CACNA2D3: variants seen among roughly 807,000 people sequenced by gnomAD.
CACNA2D3 encodes voltage-dependent calcium channel subunit alpha-2/delta-3.
Under a neutral mutation model 160.6 loss-of-function variants are expected in CACNA2D3, and 60 were observed. The ratio of observed to expected loss-of-function variants is 0.37; its 90% confidence interval spans 0.30 to 0.46. CACNA2D3 has a LOEUF of 0.46. CACNA2D3 is among the 20% of genes least tolerant of loss of function. The pLI is 1.00. For synonymous variants in CACNA2D3, 558 were observed against 492.9 expected (o/e 1.13, Z -1.75); for missense variants, 1,205 against 1,365.0 (o/e 0.88, Z 1.85).
intron 2 of CACNA2D3, among the ~76,000 whole-genome samples, chr3:54,227,849 T>C (rs2107387578): frequency 6.6e-6 from 1 of 152,276 alleles, no homozygotes; most frequent in East Asian, 1.9e-4. Context: ...GCACCCGGCC[T>C]GTCCACGTCT....
intron 17 of CACNA2D3, among the ~76,000 whole-genome samples, chr3:54,857,978 G>A (rs765744888): frequency 6.6e-6 from 1 of 151,930 alleles, no homozygotes; most frequent in Non-Finnish European, 1.5e-5. Context: ...TAGAAGATAG[G>A]ATTCTCGGCT....
At chr3:54,841,328 T>C (rs1295232585) in intron 16 of CACNA2D3, among the ~76,000 whole-genome samples, 7 of 152,324 alleles carry the variant, frequency 4.6e-5, no homozygotes, top group Admixed American at 2.0e-4. Flanking sequence ...AACAAGGGAA[T>C]AGAGGAAGAA....
At chr3:54,263,174 T>C (rs542022525) in intron 2 of CACNA2D3, among the ~76,000 whole-genome samples, 2 of 152,346 alleles carry the variant, frequency 1.3e-5, no homozygotes, top group East Asian at 3.9e-4. Flanking sequence ...TAATACCTTT[T>C]TTATTAGTTT....
chr3:54,518,052 A>G (rs1407162688), intron 5 of CACNA2D3, among the ~76,000 whole-genome samples: 1 of 152,126 alleles, frequency 6.6e-6, no homozygotes, highest in African/African-American at 2.4e-5. Flanking sequence ...TCCCATAAGT[A>G]TCGTGAATGG....
At position 54,496,323 on chromosome 3, in the gene CACNA2D3, G is replaced by A. The variant is rs140184602; in HGVS notation, c.382-7169G>A. 5.8e-3 allele frequency among the ~76,000 whole-genome samples: 882 copies of A among 152,194 alleles called. 10 individuals are homozygous for A. The highest frequency in any genetic ancestry group is 0.019 in the African/African-American group (785 of 41,528). ...ATCCTTGGCAATGTTTAATATTACC[G>A]GAATTTTTAATGTCAGCACTTCTAG... On this transcript the variant is annotated intron_variant, in intron 4 of 37. Transcript: ENST00000474759.
chr3:54,437,489 G>C (rs1342311237), intron 4 of CACNA2D3, among the ~76,000 whole-genome samples: 1 of 152,196 alleles, frequency 6.6e-6, no homozygotes, highest in Non-Finnish European at 1.5e-5. Flanking sequence ...TCAGGTTCTT[G>C]CAGCTCCCAC....
chr3:54,969,914 G>A, intron 29 of CACNA2D3, 70 bp downstream of exon 29: 2 of 1,370,030 alleles, frequency 1.5e-6, no homozygotes. Context: ...TTATGACCGA[G>A]GGAATGCCCT....
intron 35 of CACNA2D3, among the ~76,000 whole-genome samples, chr3:55,042,157 T>C (rs1305743129): frequency 6.6e-6 from 1 of 152,192 alleles, no homozygotes; most frequent in East Asian, 1.9e-4. Flanking sequence ...TAAATGTGAA[T>C]TAGGTCAAGA....
chr3:54,810,977 C>T (rs1703292935), intron 13 of CACNA2D3, among the ~76,000 whole-genome samples: 1 of 152,220 alleles, frequency 6.6e-6, no homozygotes, highest in African/African-American at 2.4e-5. Flanking sequence ...CACAGGTTGC[C>T]TGCGCTGGTC....
At chr3:54,845,666 A>G (rs1266944666) in intron 16 of CACNA2D3, among the ~76,000 whole-genome samples, 1 of 152,274 alleles carries the variant, frequency 6.6e-6, no homozygotes, top group Non-Finnish European at 1.5e-5. Context: ...ATTTGATTAC[A>G]TACTTTTTAA....
chr3:55,073,935 C>T (rs1205918129), intron 37 of CACNA2D3, 76 bp downstream of exon 37: 18 of 1,291,938 alleles, frequency 1.4e-5, no homozygotes, highest in Middle Eastern at 1.8e-4. Flanking sequence ...CAAAGAACTA[C>T]AGCTGAAAAG....
At chr3:54,483,119 C>T (rs1047549677) in intron 4 of CACNA2D3, among the ~76,000 whole-genome samples, 5 of 152,112 alleles carry the variant, frequency 3.3e-5, no homozygotes, top group Non-Finnish European at 7.3e-5. Context: ...CATGCGATTG[C>T]TATTTTAAAT....
intron 4 of CACNA2D3, among the ~76,000 whole-genome samples, chr3:54,434,087 A>G (rs1472955558): frequency 6.6e-6 from 1 of 152,024 alleles, no homozygotes; most frequent in Admixed American, 6.6e-5. Flanking sequence ...CCAATCTTCC[A>G]TTTCCTCCTT....
intron 11 of CACNA2D3, among the ~76,000 whole-genome samples, chr3:54,682,769 C>T (rs1279601790): frequency 6.6e-6 from 1 of 152,000 alleles, no homozygotes. Context: ...TCTAATCTTC[C>T]CACAAGGTCA....
At chr3:54,939,720 AC>A (rs911763275) in intron 27 of CACNA2D3, among the ~76,000 whole-genome samples, 1 of 152,128 alleles carries the variant, frequency 6.6e-6, no homozygotes, top group Non-Finnish European at 1.5e-5. Context: ...CTGCAGGCCC[AC>A]CCTCTCTTCA....
intron 4 of CACNA2D3, among the ~76,000 whole-genome samples, chr3:54,450,612 G>A (rs1490209794): frequency 2.0e-5 from 3 of 152,070 alleles, no homozygotes; most frequent in South Asian, 4.2e-4. Flanking sequence ...GTTAAAAAGC[G>A]CCTGGCACCT....
intron 10 of CACNA2D3, among the ~76,000 whole-genome samples, chr3:54,630,914 A>G (rs528017406): frequency 2.6e-5 from 4 of 152,278 alleles, no homozygotes; most frequent in East Asian, 1.9e-4. Context: ...AAAAAACACA[A>G]TGATAGGCCA....
chr3:54,799,104 C>A (rs1482172647), intron 13 of CACNA2D3, among the ~76,000 whole-genome samples: 3 of 152,162 alleles, frequency 2.0e-5, no homozygotes, highest in African/African-American at 4.8e-5. Flanking sequence ...CTGTTCTAAT[C>A]CTATTTTTCC....
chr3:54,153,054 T>A (rs1700180586), intron 2 of CACNA2D3, among the ~76,000 whole-genome samples: 1 of 152,232 alleles, frequency 6.6e-6, no homozygotes, highest in South Asian at 2.1e-4. Flanking sequence ...CAGTCTCTTT[T>A]TGGAGAAGAA....
Sources: allele counts gnomAD v4.1 joint callset (sites outside exome capture counted in the v4.1 genomes callset), GRCh38; gene constraint gnomAD v4.1.1; transcripts MANE v1.5; gene names NCBI Gene and HGNC (gene_info 2026-07-23, HGNC 2026-07-21).